The following WNT3A variants were observed in gnomAD, a reference collection of about 807,000 sequenced individuals.
WNT3A encodes the protein Wnt family member 3A.
Under a neutral mutation model 37.0 loss-of-function variants are expected in WNT3A, and 17 were observed. That is an observed-to-expected ratio of 0.46 (90% CI 0.31 to 0.69). The LOEUF is 0.69. Ranked by LOEUF, WNT3A falls within the 30% of genes least tolerant of loss-of-function variation. The pLI is 0.05. For synonymous variants in WNT3A, 187 were observed against 211.0 expected (o/e 0.89, Z 0.99); for missense variants, 411 against 510.2 (o/e 0.81, Z 1.87).
Position 228,055,165 on chromosome 1 carries a change from AAAAAAAAAAAAAAAATATAT to A in WNT3A, c.580-3819_580-3800del, listed in dbSNP as rs1467495730. ...TTTTTGGAAACTCCGTCCCAAAAAA[AAAAAAAAAAAAAAAATATAT>A]ATATATATATATATATATATATATA... On this transcript the variant is annotated intron_variant, in intron 3 of 3. Coordinates refer to ENST00000284523, the MANE Select transcript of WNT3A (RefSeq NM_033131.4). 3.7e-4 allele frequency among the ~76,000 whole-genome samples: 21 copies of A among 56,416 alleles called. 1 individual carries two copies. Among genetic ancestry groups the A allele is most frequent in the East Asian group, 2.0e-3 (3 of 1,502 alleles). The allele number at this position is 56,416 out of a possible 152,430, so 37.0% of individuals were successfully genotyped here. A position where few individuals can be genotyped will look rare whatever the true frequency, so the allele number is the denominator to read the frequency against.
intron 2 of WNT3A, among the ~76,000 whole-genome samples, chr1:228,034,030 G>A (rs1322451108): frequency 2.0e-5 from 3 of 152,180 alleles, no homozygotes; most frequent in Admixed American, 6.5e-5. Flanking sequence ...GGGAGGCCAA[G>A]ACAGGGAGAT....
At position 228,023,134 on chromosome 1, in the gene WNT3A, C is replaced by T. The variant is rs188624301; in HGVS notation, c.313+226C>T. ...TCCTCCTGCTCCCTGGAGAGGAAAGCGGGCATTCTAAGGTGACTCCAACCA... is the reference window on the plus strand; with the variant it reads ...TCCTCCTGCTCCCTGGAGAGGAAAGTGGGCATTCTAAGGTGACTCCAACCA... On this transcript the variant is annotated intron_variant, in intron 2 of 3. Transcript: ENST00000284523. Among the ~76,000 whole-genome samples, 27 of 152,308 alleles carry T rather than the reference C, an allele frequency of 1.8e-4. No individual in the cohort carries two copies. The East Asian group carries it at 4.6e-3, about 26-fold the overall frequency.
At chr1:228,035,510 G>T (rs1036294656) in intron 2 of WNT3A, among the ~76,000 whole-genome samples, 1 of 152,212 alleles carries the variant, frequency 6.6e-6, no homozygotes, top group Non-Finnish European at 1.5e-5. Context: ...GGGAGGGCAG[G>T]TGCAGCCCGG....
chr1:228,040,308 C>T (rs1045433018), intron 2 of WNT3A, among the ~76,000 whole-genome samples: 2 of 152,166 alleles, frequency 1.3e-5, no homozygotes, highest in South Asian at 2.1e-4. Context: ...ATACAAGGAT[C>T]GGCTTGGACC....
chr1:228,027,461 T>C (rs73110761), intron 2 of WNT3A, among the ~76,000 whole-genome samples: 2,299 of 152,322 alleles, frequency 0.015, 73 homozygotes, highest in African/African-American at 0.051. Context: ...TTTTCAATAA[T>C]GGCATCCTTG....
intron 3 of WNT3A, among the ~76,000 whole-genome samples, chr1:228,057,594 AAC>A (rs1445041808): frequency 6.6e-6 from 1 of 152,176 alleles, no homozygotes; most frequent in Non-Finnish European, 1.5e-5. Flanking sequence ...GCCCATAGGA[AAC>A]AGTCAATATC....
intron 3 of WNT3A, among the ~76,000 whole-genome samples, chr1:228,056,043 A>T (rs2031678874): frequency 6.6e-6 from 1 of 152,186 alleles, no homozygotes; most frequent in Admixed American, 6.5e-5. Context: ...AGAGGATGGA[A>T]GATTCTGCTC....
In WNT3A at chr1:228,007,074, C is replaced by A. The variant is rs76933265; in HGVS notation, c.-55C>A. 4.6e-5 allele frequency: 65 copies of A among 1,403,632 alleles called. No homozygotes were observed. The highest frequency in any genetic ancestry group is 9.1e-5 in the African/African-American group (6 of 66,146). 86.9% of individuals were successfully genotyped at this position (1,403,632 alleles called of 1,614,324 possible). On this transcript the variant is annotated 5_prime_UTR_variant, in exon 1 of 4. Coordinates refer to ENST00000284523, the MANE Select transcript of WNT3A (RefSeq NM_033131.4). The surrounding 1 kb of genome is among the most constrained non-coding windows in gnomAD (Gnocchi z 6.0). Reference sequence around the variant, plus strand: ...CCAGCTCCCAGGGCCCGGCCCCCCCCGGCGCTCACGCTCTCGGGGCGGACT... The same window carrying A: ...CCAGCTCCCAGGGCCCGGCCCCCCCAGGCGCTCACGCTCTCGGGGCGGACT...
chr1:228,007,278 G>A lies in WNT3A; in HGVS notation c.71+79G>A, dbSNP rs2030225559. Reference sequence around the variant, plus strand: ...GACGGTCCCCTCGGGCAGGGACCCCGCGGTGGCCCGAGCCCGCGCCCTTCT... The same window carrying A: ...GACGGTCCCCTCGGGCAGGGACCCCACGGTGGCCCGAGCCCGCGCCCTTCT... On this transcript the variant is annotated intron_variant, in intron 1 of 3. Coordinates refer to ENST00000284523, the MANE Select transcript of WNT3A (RefSeq NM_033131.4). The surrounding 1 kb of genome is among the most constrained non-coding windows in gnomAD (Gnocchi z 6.0). 2 of 1,445,610 alleles carry A rather than the reference G, an allele frequency of 1.4e-6. No individual in the cohort carries two copies. Among genetic ancestry groups the A allele is most frequent in the African/African-American group, 1.5e-5 (1 of 68,662 alleles). 89.5% of individuals were successfully genotyped at this position (1,445,610 alleles called of 1,614,324 possible).
chr1:228,053,414 G>A (rs2102781072), intron 3 of WNT3A, among the ~76,000 whole-genome samples: 1 of 152,230 alleles, frequency 6.6e-6, no homozygotes, highest in African/African-American at 2.4e-5. Context: ...CCTTAGAGTA[G>A]GCAAAGGTGT....
At chr1:228,055,892 C>T (rs1390409530) in intron 3 of WNT3A, among the ~76,000 whole-genome samples, 1 of 152,202 alleles carries the variant, frequency 6.6e-6, no homozygotes, top group Non-Finnish European at 1.5e-5. Context: ...AAGCACAGGT[C>T]TCTGATCTGA....
chr1:228,025,165 T>C (rs1247891441), intron 2 of WNT3A, among the ~76,000 whole-genome samples: 1 of 152,180 alleles, frequency 6.6e-6, no homozygotes, highest in Non-Finnish European at 1.5e-5. Context: ...TTCAAATATA[T>C]GTAAATTTTA....
intron 2 of WNT3A, among the ~76,000 whole-genome samples, chr1:228,049,916 T>G (rs1293723625): frequency 2.0e-5 from 3 of 151,910 alleles, no homozygotes; most frequent in African/African-American, 7.3e-5. Context: ...TAGCTGGGAC[T>G]ACATGCACAC....
Position 228,042,802 on chromosome 1 carries a change from TGATG to T in WNT3A, c.314-7842_314-7839del, listed in dbSNP as rs1201921276. ...TAGATGGATGATGGATAGATGTGGA[TGATG>T]GATGGATGGATAATGGATGATGGAT... On this transcript the variant is annotated intron_variant, in intron 2 of 3. Transcript: ENST00000284523. This position sits in a 1 kb window ranked among gnomAD's most constrained non-coding sequence, Gnocchi z 5.2. 2.6e-5 allele frequency among the ~76,000 whole-genome samples: 4 copies of T among 151,436 alleles called. No individual in the cohort carries two copies. The highest frequency in any genetic ancestry group is 5.9e-5 in the Non-Finnish European group (4 of 67,854).
chr1:228,025,398 GA>G (rs200925454), intron 2 of WNT3A, among the ~76,000 whole-genome samples: 2,686 of 152,308 alleles, frequency 0.018, 97 homozygotes, highest in African/African-American at 0.061. Flanking sequence ...GCTCAGGCTG[GA>G]GTGCAGTGGC....
rs893810145 is a variant in WNT3A at position 228,056,306 on chromosome 1, A to C, written c.580-2680A>C. 2.6e-5 allele frequency among the ~76,000 whole-genome samples: 4 copies of C among 152,354 alleles called. No homozygotes were observed. In the East Asian group the frequency reaches 7.7e-4, roughly 29 times the overall value. ...GTCCAAAACAAACAAACTCAAACAA[A>C]ATTTATGGGAAAGAGACATTGTAAA... On this transcript the variant is annotated intron_variant, in intron 3 of 3. Coordinates refer to ENST00000284523, the MANE Select transcript of WNT3A (RefSeq NM_033131.4).
At chr1:228,018,821 C>T (rs2102763466) in intron 1 of WNT3A, among the ~76,000 whole-genome samples, 1 of 152,366 alleles carries the variant, frequency 6.6e-6, no homozygotes, top group African/African-American at 2.4e-5. Flanking sequence ...CCGCTGCCTG[C>T]CAGCTTTCCA....
intron 2 of WNT3A, among the ~76,000 whole-genome samples, chr1:228,032,002 C>CATGG (rs1446056884): frequency 6.6e-6 from 1 of 152,160 alleles, no homozygotes; most frequent in Non-Finnish European, 1.5e-5. Flanking sequence ...GGCTGTGCTG[C>CATGG]ATGGGGTCAG....
At chr1:228,010,543 C>T (rs1169290247) in intron 1 of WNT3A, among the ~76,000 whole-genome samples, 3 of 152,220 alleles carry the variant, frequency 2.0e-5, no homozygotes, top group Admixed American at 6.5e-5. Context: ...TAGCCACCGT[C>T]GCTGCCTAGT....
Sources: gnomAD v4.1 joint callset for allele counts (sites outside exome capture counted in the v4.1 genomes callset) on GRCh38, gnomAD v4.1.1 for gene constraint, Gnocchi (gnomAD v3.1) non-coding constraint, MANE v1.5 for transcripts, NCBI Gene and HGNC (gene_info 2026-07-23, HGNC 2026-07-21) for gene names.